Variants in EGFL6 observed in about 807,000 individuals in gnomAD.
EGFL6 encodes epidermal growth factor-like protein 6.
In EGFL6, 42 loss-of-function variants were observed where a neutral mutation model predicts 43.1. The observed-to-expected ratio is 0.98, with a 90% CI of 0.76 to 1.26. The LOEUF (loss-of-function observed/expected upper bound fraction) is 1.26. Ranked by LOEUF, EGFL6 falls within the 50% of genes most tolerant of loss-of-function variation. EGFL6 has a pLI of 0.00. For missense variants in EGFL6, 429 were observed against 427.8 expected (o/e 1.00, Z -0.02); for synonymous variants, 164 against 163.2 (o/e 1.01, Z -0.04).
chrX:13,582,802 A>G (rs984238020), intron 1 of EGFL6, among the ~76,000 whole-genome samples: 4 of 111,574 alleles, frequency 3.6e-5, no homozygotes, highest in African/African-American at 1.3e-4. Flanking sequence ...ATTCTTTGCA[A>G]TCCCAAGTAA....
intron 9 of EGFL6, among the ~76,000 whole-genome samples, chrX:13,623,376 G>GTTTTTTTTTTTTTT (rs1569209997): frequency 4.9e-5 from 2 of 41,031 alleles, no homozygotes; most frequent in African/African-American, 1.2e-4. Flanking sequence ...TTTTATTTTG[G>GTTTTTTTTTTTTTT]GTTTTTTTTT....
chrX:13,589,568 C>T lies in EGFL6; in HGVS notation c.87C>T (p.His29=), dbSNP rs762840723. Residue 29 remains histidine, a synonymous_variant, in exon 2 of 12, where the codon CAC becomes CAT. Coordinates refer to ENST00000361306, the MANE Select transcript of EGFL6 (RefSeq NM_015507.4). ...TCTTTATCTGCAGTGCAAGGCATCA[C>T]GGGTTGTTAGCATCGGCACGTCAGC... ...GFGNAASARH[H]GLLASARQPG... is the part of the protein sequence containing the mutation. The T allele has an allele frequency of 1.2e-4, 147 of 1,208,027 alleles. No individual in the cohort carries two copies. The highest frequency in any genetic ancestry group is 1.6e-4 in the South Asian group (9 of 56,466).
intron 7 of EGFL6, among the ~76,000 whole-genome samples, chrX:13,614,765 T>G (rs1438056006): frequency 9.2e-6 from 1 of 108,123 alleles, no homozygotes; most frequent in Non-Finnish European, 1.9e-5. Flanking sequence ...TTTTTTTTTT[T>G]GACATGGAGT....
chrX:13,593,960 T>C (rs2045581478), intron 2 of EGFL6, among the ~76,000 whole-genome samples: 1 of 111,545 alleles, frequency 9.0e-6, no homozygotes, highest in East Asian at 2.8e-4. Context: ...TGCTGAGTCA[T>C]TCTTTCCTAT....
At chrX:13,592,807 G>C (rs938714655) in intron 2 of EGFL6, among the ~76,000 whole-genome samples, 8 of 95,497 alleles carry the variant, frequency 8.4e-5, no homozygotes, top group African/African-American at 3.1e-4. Context: ...AGAAAGTAAA[G>C]GGTAGGTCTA....
At chrX:13,624,107 T>C (rs186841374) in intron 10 of EGFL6, among the ~76,000 whole-genome samples, 182 bp downstream of exon 10, 3 of 111,218 alleles carry the variant, frequency 2.7e-5, no homozygotes, top group African/African-American at 9.8e-5. Context: ...TATATTCTCC[T>C]ACTTAATCCC....
intron 1 of EGFL6, among the ~76,000 whole-genome samples, chrX:13,589,265 G>A (rs2045549792): frequency 8.9e-6 from 1 of 111,984 alleles, no homozygotes; most frequent in Non-Finnish European, 1.9e-5. Context: ...ATACAGAGCA[G>A]ATCTGAAAAG....
intron 1 of EGFL6, among the ~76,000 whole-genome samples, chrX:13,576,559 T>C (rs954840344): frequency 2.7e-5 from 3 of 111,973 alleles, no homozygotes; most frequent in Admixed American, 1.9e-4. Flanking sequence ...GGCACTTCTG[T>C]TTACATCCCA....
At chrX:13,614,727 C>A (rs1602654991) in intron 7 of EGFL6, among the ~76,000 whole-genome samples, 2 of 108,434 alleles carry the variant, frequency 1.8e-5, no homozygotes, top group African/African-American at 6.8e-5. Flanking sequence ...GCCAAAGACC[C>A]TCCTACTGCA....
At chrX:13,607,889 G>A (rs2045668924) in intron 6 of EGFL6, among the ~76,000 whole-genome samples, 1 of 112,331 alleles carries the variant, frequency 8.9e-6, no homozygotes, top group South Asian at 3.7e-4. Context: ...TCTCCTGGCA[G>A]TCTTAGAACA....
intron 11 of EGFL6, among the ~76,000 whole-genome samples, chrX:13,631,997 A>G (rs2045813653): frequency 9.0e-6 from 1 of 111,176 alleles, no homozygotes; most frequent in Admixed American, 9.6e-5. Context: ...TTCTCTCTAT[A>G]TAGAAATTTC....
chrX:13,611,097 A>C (rs1219158744), intron 7 of EGFL6, among the ~76,000 whole-genome samples: 1 of 110,443 alleles, frequency 9.1e-6, no homozygotes, highest in African/African-American at 3.3e-5. Flanking sequence ...TTCCTGTCTC[A>C]CTGTCTCCTC....
At chrX:13,590,865 T>A (rs191534412) in intron 2 of EGFL6, among the ~76,000 whole-genome samples, 18 of 111,721 alleles carry the variant, frequency 1.6e-4, no homozygotes, top group African/African-American at 4.9e-4. Flanking sequence ...TCCTGGGACT[T>A]GTGTCAATTA....
intron 7 of EGFL6, among the ~76,000 whole-genome samples, chrX:13,615,262 G>T (rs1424635710): frequency 1.8e-5 from 2 of 112,634 alleles, no homozygotes; most frequent in East Asian, 2.8e-4. Flanking sequence ...TCAAGATTAT[G>T]ATGTTTTAGT....
At chrX:13,608,688 T>C (rs1295503118) in intron 7 of EGFL6, among the ~76,000 whole-genome samples, 1 of 112,208 alleles carries the variant, frequency 8.9e-6, no homozygotes, top group Middle Eastern at 4.2e-3. Flanking sequence ...ACAGCAAGGG[T>C]ACTTAATATC....
At chrX:13,605,719 T>C (rs185771281) in intron 5 of EGFL6, among the ~76,000 whole-genome samples, 1 of 112,512 alleles carries the variant, frequency 8.9e-6, no homozygotes, top group East Asian at 2.8e-4. Flanking sequence ...TCTTAGTAGA[T>C]TGGTCAGCAT....
At chrX:13,600,538 C>T (rs1010979365) in intron 4 of EGFL6, among the ~76,000 whole-genome samples, 7 of 107,902 alleles carry the variant, frequency 6.5e-5, no homozygotes, top group African/African-American at 2.0e-4. Flanking sequence ...CCACCCACTT[C>T]GGCCTCTCAA....
intron 9 of EGFL6, 59 bp downstream of exon 9, chrX:13,619,302 TC>T: frequency 9.9e-7 from 1 of 1,006,197 alleles, no homozygotes; most frequent in East Asian, 3.0e-5. Flanking sequence ...CGTTTTCATT[TC>T]TTCATACAGT....
chrX:13,582,892 A>G (rs2045515094), intron 1 of EGFL6, among the ~76,000 whole-genome samples: 1 of 111,736 alleles, frequency 8.9e-6, no homozygotes, highest in Admixed American at 9.5e-5. Context: ...TAGGCTTTTT[A>G]AAAATATCAG....
Sources: gnomAD v4.1 joint callset for allele counts (sites outside exome capture counted in the v4.1 genomes callset) on GRCh38, gnomAD v4.1.1 for gene constraint, MANE v1.5 for transcripts, NCBI Gene and HGNC (gene_info 2026-07-23, HGNC 2026-07-21) for gene names.